Variants in ANAPC7 observed in about 807,000 individuals in gnomAD.
ANAPC7 encodes anaphase-promoting complex subunit 7.
Under a neutral mutation model 63.3 loss-of-function variants are expected in ANAPC7, and 25 were observed. The ratio of observed to expected loss-of-function variants is 0.39; its 90% confidence interval spans 0.29 to 0.55. ANAPC7 has a LOEUF of 0.55. Among genes scored for constraint, ANAPC7 ranks in the 20% least tolerant of loss-of-function variants. The probability of loss-of-function intolerance (pLI) is 0.57; values close to 1 mark genes in which losing one functional copy is unlikely to be tolerated. For synonymous variants in ANAPC7, 241 were observed against 251.7 expected (o/e 0.96, Z 0.40); for missense variants, 516 against 691.7 (o/e 0.75, Z 2.85).
intron 5 of ANAPC7, chr12:110,387,287 CAGAGAGAG>C (rs1304470791): frequency 4.1e-5 from 2 of 49,010 alleles, no homozygotes; most frequent in Admixed American, 2.5e-4. Context: ...GAGAGAGAGA[CAGAGAGAG>C]AGAGAGAGAG....
rs758513320 is a variant in ANAPC7 at position 110,396,388 on chromosome 12, C to T, written c.166G>A (p.Asp56Asn). 8 of 1,614,004 alleles carry T rather than the reference C, an allele frequency of 5.0e-6. No individual in the cohort carries two copies. Among genetic ancestry groups the T allele is most frequent in the Non-Finnish European group, 6.8e-6 (8 of 1,179,970 alleles). Reference sequence around the variant, plus strand: ...CTCACAGCATTCCGATATTCCTTATCATGAAAGAGAGAATCTGCATGATAC... The same window carrying T: ...CTCACAGCATTCCGATATTCCTTATTATGAAAGAGAGAATCTGCATGATAC... ...LVYHADSLFH[D>N]KEYRNAVSKY... The change falls in exon 2 of 11, where the codon GAT becomes AAT. Residue 56 changes from aspartate to asparagine, a missense_variant. By Grantham distance (23) the Asp-to-Asn change is conservative (BLOSUM62 1). Coordinates refer to ENST00000455511, the MANE Select transcript of ANAPC7 (RefSeq NM_016238.3).
In ANAPC7 at chr12:110,403,510, T is replaced by C. The variant is rs1271553621; in HGVS notation, c.101+17A>G. The C allele has an allele frequency of 1.0e-5, 16 of 1,574,668 alleles. No individual in the cohort carries two copies. The highest frequency in any genetic ancestry group is 1.4e-5 in the Non-Finnish European group (16 of 1,160,524). ...CGCTTTCTCCTCAGCCCCAGGCAGC[T>C]ACCCGCCTCAACTCACGGGTTGTTA... On this transcript the variant is annotated intron_variant, in intron 1 of 10. Transcript: ENST00000455511.
intron 9 of ANAPC7, 83 bp downstream of exon 9, chr12:110,377,308 TAA>T (rs1243898865): frequency 8.4e-7 from 1 of 1,196,134 alleles, no homozygotes; most frequent in East Asian, 2.3e-5. Context: ...TAGTCATCTG[TAA>T]CTAGCTGGGA....
At chr12:110,403,460 T>C (rs1166543214) in intron 1 of ANAPC7, 67 bp downstream of exon 1, 2 of 1,516,300 alleles carry the variant, frequency 1.3e-6, no homozygotes, top group Non-Finnish European at 1.8e-6. Flanking sequence ...CCACGTGCCC[T>C]GAGCCCCCGC....
chr12:110,375,104 C>T (rs1293736367), intron 10 of ANAPC7, among the ~76,000 whole-genome samples: 4 of 152,182 alleles, frequency 2.6e-5, no homozygotes, highest in African/African-American at 9.7e-5. Flanking sequence ...GCAGCTAAAA[C>T]CCATGTTGGC....
intron 8 of ANAPC7, 56 bp downstream of exon 8, chr12:110,381,696 G>T: frequency 6.4e-7 from 1 of 1,554,100 alleles, no homozygotes; most frequent in Non-Finnish European, 8.8e-7. Flanking sequence ...CCTTCCATCT[G>T]AGGGCTGCTG....
intron 1 of ANAPC7, among the ~76,000 whole-genome samples, chr12:110,396,939 T>A (rs2137985630): frequency 6.6e-6 from 1 of 151,200 alleles, no homozygotes; most frequent in Admixed American, 6.6e-5. Context: ...TGCGGTGGCT[T>A]ACGCCTGTAA....
At chr12:110,401,094 C>T (rs1328651201) in intron 1 of ANAPC7, among the ~76,000 whole-genome samples, 1 of 152,072 alleles carries the variant, frequency 6.6e-6, no homozygotes, top group Non-Finnish European at 1.5e-5. Flanking sequence ...AATGAAAATC[C>T]AATGGGCAGC....
intron 3 of ANAPC7, among the ~76,000 whole-genome samples, chr12:110,394,653 G>C (rs1883406725): frequency 9.9e-6 from 1 of 101,264 alleles, no homozygotes; most frequent in Admixed American, 1.4e-4. Flanking sequence ...TGGGCAACAA[G>C]AGTGAAATTC....
rs999302628 is a variant in ANAPC7, at chr12:110,373,895, G to A, written c.*249C>T. The A allele has an allele frequency of 2.0e-5, 8 of 407,190 alleles. No individual in the cohort carries two copies. The highest frequency in any genetic ancestry group is 3.4e-5 in the Non-Finnish European group (8 of 232,500). 25.2% of individuals were successfully genotyped at this position (407,190 alleles called of 1,614,324 possible). ...TTGGCCCAGAAGCCCCAACATGTGC[G>A]TGGGTCTCGGGGCACTCCCTCAGTC... On this transcript the variant is annotated 3_prime_UTR_variant, in exon 11 of 11. Transcript: ENST00000455511.
Position 110,381,823 on chromosome 12 carries a change from C to T in ANAPC7, c.1061G>A (p.Arg354Lys), listed in dbSNP as rs773293057. 6.2e-7 allele frequency: 1 copy of T among 1,614,016 alleles called. No homozygotes were observed. Among genetic ancestry groups the T allele is most frequent in the Non-Finnish European group, 8.5e-7 (1 of 1,180,016 alleles). ...LKGAALRNMG[R>K]VQEAIIHFRE... is the part of the protein sequence containing the mutation. ...AAAGTGGATTATTGCTTCTTGGACT[C>T]TGCCCATGTTCCTAAGTGCTGCTCC... The change falls in exon 8 of 11, where the codon AGA (arginine) becomes AAA (lysine). Residue 354 changes from arginine to lysine, a missense_variant. Arg to Lys is a conservative substitution (Grantham distance 26). Around this residue, in one of 4 missense-constraint regions of ANAPC7, gnomAD observed 199 missense variants for 249.3 expected, o/e 0.80. Transcript: ENST00000455511.
Position 110,374,136 on chromosome 12 carries a change from C to A in ANAPC7, c.*8G>T. 6.2e-7 allele frequency: 1 copy of A among 1,602,328 alleles called. No individual in the cohort carries two copies. ...GCAGGCCACTGCGGCCATGGAGCTG[C>A]CGCCCCCTCACTGCATGCCGAACCA... On this transcript the variant is annotated 3_prime_UTR_variant, in exon 11 of 11. Coordinates refer to ENST00000455511, the MANE Select transcript of ANAPC7 (RefSeq NM_016238.3).
intron 1 of ANAPC7, among the ~76,000 whole-genome samples, chr12:110,396,762 G>A (rs1409401171): frequency 6.6e-6 from 1 of 151,708 alleles, no homozygotes; most frequent in Non-Finnish European, 1.5e-5. Flanking sequence ...TGATCTACCT[G>A]CGTCGGCCTC....
intron 3 of ANAPC7, among the ~76,000 whole-genome samples, chr12:110,393,331 T>C (rs1469612544): frequency 6.6e-6 from 1 of 152,228 alleles, no homozygotes; most frequent in Non-Finnish European, 1.5e-5. Flanking sequence ...AATAAATCAT[T>C]ATTTCCTATA....
Position 110,374,023 on chromosome 12 carries a change from A to T in ANAPC7, c.*121T>A. 14 of 1,148,668 alleles carry T rather than the reference A, an allele frequency of 1.2e-5. No individual in the cohort carries two copies. The highest frequency in any genetic ancestry group is 1.7e-5 in the Non-Finnish European group (14 of 834,778). The allele number at this position is 1,148,668 out of a possible 1,614,324, so 71.2% of individuals were successfully genotyped here. On this transcript the variant is annotated 3_prime_UTR_variant, in exon 11 of 11. Coordinates refer to ENST00000455511, the MANE Select transcript of ANAPC7 (RefSeq NM_016238.3). Reference sequence around the variant, plus strand: ...AGGAATTGGGAGCGAGGGGGCAGAGACCCCTGCTGCAATCACATGCTGAAT... The same window carrying T: ...AGGAATTGGGAGCGAGGGGGCAGAGTCCCCTGCTGCAATCACATGCTGAAT...
At chr12:110,384,130 G>T (rs982662231) in intron 6 of ANAPC7, among the ~76,000 whole-genome samples, 1 of 151,556 alleles carries the variant, frequency 6.6e-6, no homozygotes, top group Non-Finnish European at 1.5e-5. Flanking sequence ...TGAACTCAGA[G>T]GGCGGATGTT....
intron 8 of ANAPC7, chr12:110,378,017 A>G (rs1881447931): frequency 4.2e-6 from 1 of 239,332 alleles, no homozygotes; most frequent in African/African-American, 2.2e-5. Flanking sequence ...CTGCCTCTTA[A>G]CAAGCAGTTA....
At chr12:110,402,297 G>A (rs886566520) in intron 1 of ANAPC7, among the ~76,000 whole-genome samples, 8 of 152,118 alleles carry the variant, frequency 5.3e-5, no homozygotes, top group Non-Finnish European at 1.5e-5. Flanking sequence ...GCCTTCAGAG[G>A]CCATGGGAAA....
intron 1 of ANAPC7, among the ~76,000 whole-genome samples, chr12:110,401,981 G>T: frequency 7.7e-6 from 1 of 129,442 alleles, no homozygotes. Flanking sequence ...AAAAAGACCA[G>T]ACTGGTCAAT....
Sources: gnomAD v4.1 joint callset for allele counts (sites outside exome capture counted in the v4.1 genomes callset) on GRCh38, gnomAD v4.1.1 for gene constraint, gnomAD v4.1.1 regional missense constraint, MANE v1.5 for transcripts, NCBI Gene and HGNC (gene_info 2026-07-23, HGNC 2026-07-21) for gene names.